The following TXK variants were observed in gnomAD, a reference collection of about 807,000 sequenced individuals.
TXK encodes tyrosine-protein kinase TXK.
A neutral mutation model predicts 81.0 loss-of-function variants in TXK; 60 were observed. The observed-to-expected ratio is 0.74, with a 90% CI of 0.60 to 0.92. The LOEUF is 0.92. Ranked by LOEUF, TXK falls within the 40% of genes least tolerant of loss-of-function variation. The pLI is 0.00. For missense variants in TXK, 581 were observed against 638.3 expected (o/e 0.91, Z 0.97); for synonymous variants, 203 against 210.7 (o/e 0.96, Z 0.32).
intron 3 of TXK, 62 bp from the exon 4 acceptor site, chr4:48,112,574 A>G: frequency 6.7e-7 from 1 of 1,502,594 alleles, no homozygotes; most frequent in Non-Finnish European, 8.9e-7. Flanking sequence ...TAAAAAATAT[A>G]GGGACAAAGC....
intron 8 of TXK, among the ~76,000 whole-genome samples, chr4:48,092,950 C>T (rs750510230): frequency 6.6e-6 from 1 of 152,168 alleles, no homozygotes; most frequent in Non-Finnish European, 1.5e-5. Flanking sequence ...GAACAGGGAA[C>T]AGGAATGGAT....
chr4:48,118,213 ACTAT>A (rs1176311677), intron 1 of TXK, among the ~76,000 whole-genome samples: 2 of 152,172 alleles, frequency 1.3e-5, no homozygotes, highest in Non-Finnish European at 1.5e-5. Context: ...TTATTTCAAC[ACTAT>A]CTATCAGGCT....
chr4:48,133,749 G>A (rs1719304546), intron 1 of TXK, among the ~76,000 whole-genome samples: 1 of 152,134 alleles, frequency 6.6e-6, no homozygotes, highest in Non-Finnish European at 1.5e-5. Context: ...GTGTGTATGT[G>A]TGTGTATTTA....
intron 10 of TXK, among the ~76,000 whole-genome samples, chr4:48,080,373 G>A (rs1464378788): frequency 1.3e-5 from 2 of 152,102 alleles, no homozygotes; most frequent in South Asian, 2.1e-4. Context: ...TATTCTACGC[G>A]TAAGCATTTT....
rs771611691 is a variant in TXK at position 48,080,065 on chromosome 4, G to A, written c.1020C>T (p.Tyr340=). The A allele has an allele frequency of 3.8e-5, 61 of 1,614,074 alleles. No individual in the cohort carries two copies. The highest frequency in any genetic ancestry group is 5.0e-5 in the Non-Finnish European group (59 of 1,179,972). Residue 340 remains tyrosine (Y), a synonymous_variant, in exon 11 of 15, where the codon TAC becomes TAT. Transcript: ENST00000264316. ...YGVCIQRKPL[Y]IVTEFMENGC... ...CATTTTCCATGAACTCTGTCACAAT[G>A]TAAAGGGGCTTCCGCTGTATACAGA...
At chr4:48,072,710 G>A (rs1359716484) in intron 13 of TXK, among the ~76,000 whole-genome samples, 1 of 152,236 alleles carries the variant, frequency 6.6e-6, no homozygotes, top group Non-Finnish European at 1.5e-5. Flanking sequence ...ACTGTTCAGT[G>A]AGGGAGACAA....
intron 6 of TXK, among the ~76,000 whole-genome samples, chr4:48,100,700 C>A (rs1007467572): frequency 6.6e-6 from 1 of 152,142 alleles, no homozygotes; most frequent in Non-Finnish European, 1.5e-5. Context: ...ATTTATCCTA[C>A]AAACCCATAT....
intron 14 of TXK, among the ~76,000 whole-genome samples, chr4:48,068,365 G>A (rs1013237231): frequency 5.3e-5 from 8 of 152,260 alleles, no homozygotes; most frequent in Middle Eastern, 3.4e-3. Flanking sequence ...TGACACCTGA[G>A]CCATTATAGA....
chr4:48,126,748 CCT>C (rs1719099991), intron 1 of TXK, among the ~76,000 whole-genome samples: 2 of 152,196 alleles, frequency 1.3e-5, no homozygotes, highest in East Asian at 3.8e-4. Flanking sequence ...AAGTGATCCC[CCT>C]CTTTGGCCTC....
At chr4:48,133,685 TTG>T (rs1468524625) in intron 1 of TXK, among the ~76,000 whole-genome samples, 1 of 152,210 alleles carries the variant, frequency 6.6e-6, no homozygotes, top group Admixed American at 6.5e-5. Flanking sequence ...ATAAACACAG[TTG>T]TGTTTTGACT....
At chr4:48,121,562 T>C (rs1718962617) in intron 1 of TXK, among the ~76,000 whole-genome samples, 1 of 152,192 alleles carries the variant, frequency 6.6e-6, no homozygotes, top group African/African-American at 2.4e-5. Context: ...GACATAATAT[T>C]TGCATGTAAC....
chr4:48,098,635 C>T (rs1421406651), intron 6 of TXK, among the ~76,000 whole-genome samples: 3 of 152,134 alleles, frequency 2.0e-5, no homozygotes, highest in African/African-American at 7.2e-5. Context: ...TCAAATCCAG[C>T]ATCGTGCTAT....
intron 1 of TXK, among the ~76,000 whole-genome samples, chr4:48,128,070 G>A (rs2109487608): frequency 6.6e-6 from 1 of 152,224 alleles, no homozygotes; most frequent in East Asian, 1.9e-4. Flanking sequence ...GGCTGCGCGG[G>A]AAGCAAAGCC....
In TXK at chr4:48,122,022, A is replaced by G. The variant is rs187967714; in HGVS notation, c.17-7620T>C. Among the ~76,000 whole-genome samples, 230 of 152,312 alleles carry G rather than the reference A, an allele frequency of 1.5e-3. 1 individual carries two copies. The highest frequency in any genetic ancestry group is 5.4e-3 in the African/African-American group (224 of 41,570). On this transcript the variant is annotated intron_variant, in intron 1 of 14. Coordinates refer to ENST00000264316, the MANE Select transcript of TXK (RefSeq NM_003328.3). ...CATCTCATCCATCACCACCATGGAT[A>G]AGCCACCATCACCTCACCTGGCTCA...
Position 48,113,167 on chromosome 4 carries a change from C to T in TXK, c.174+40G>A, listed in dbSNP as rs548895861. On this transcript the variant is annotated intron_variant, in intron 3 of 14. Coordinates refer to ENST00000264316, the MANE Select transcript of TXK (RefSeq NM_003328.3). ...ATGAATGAAGACTCTAAAAAGACAA[C>T]CTTCTCCATTCCCCTCTTGCCTGTC... The T allele has an allele frequency of 1.9e-5, 28 of 1,484,652 alleles. No individual in the cohort carries two copies. The East Asian group carries it at 5.2e-4, about 28-fold the overall frequency. The allele number at this position is 1,484,652 out of a possible 1,614,324, so 92.0% of individuals were successfully genotyped here.
At chr4:48,127,656 A>C (rs1719125090) in intron 1 of TXK, among the ~76,000 whole-genome samples, 1 of 152,208 alleles carries the variant, frequency 6.6e-6, no homozygotes, top group Non-Finnish European at 1.5e-5. Flanking sequence ...CCAGGCTTAC[A>C]TCTGCGCTGT....
intron 1 of TXK, among the ~76,000 whole-genome samples, chr4:48,126,627 A>G (rs1056944362): frequency 2.6e-5 from 4 of 152,052 alleles, no homozygotes; most frequent in Admixed American, 6.6e-5. Flanking sequence ...CAGCCTCCCA[A>G]GTAGCTGGGA....
chr4:48,086,285 G>T (rs1390750768), intron 10 of TXK, among the ~76,000 whole-genome samples, 181 bp downstream of exon 10: 1 of 152,292 alleles, frequency 6.6e-6, no homozygotes, highest in African/African-American at 2.4e-5. Flanking sequence ...AAGACATTGA[G>T]GCTTGGAAAG....
At chr4:48,112,617 G>T in intron 3 of TXK, 105 bp from the exon 4 acceptor site, 1 of 1,182,814 alleles carries the variant, frequency 8.5e-7, no homozygotes. Flanking sequence ...TTCTTATCCA[G>T]CTACACCAAG....
Sources: gnomAD v4.1 joint callset for allele counts (sites outside exome capture counted in the v4.1 genomes callset) on GRCh38, gnomAD v4.1.1 for gene constraint, MANE v1.5 for transcripts, NCBI Gene and HGNC (gene_info 2026-07-23, HGNC 2026-07-21) for gene names.